SPMIP6: variants seen among roughly 807,000 people sequenced by gnomAD.
The protein encoded by SPMIP6 is ciliated bronchial epithelial protein 1.
chr9:34,382,430 CA>C, the SPMIP6 span, among the ~76,000 whole-genome samples: 1 of 152,084 alleles, frequency 6.6e-6, no homozygotes, highest in Non-Finnish European at 1.5e-5. Context: ...ACTAACAATA[CA>C]AAAATTAGCC....
chr9:34,382,765 G>A, the SPMIP6 span: 8 of 1,613,498 alleles, frequency 5.0e-6, no homozygotes, highest in African/African-American at 2.7e-5. Flanking sequence ...TTAGGCAGCC[G>A]AGGAAGGTAG....
the SPMIP6 span, among the ~76,000 whole-genome samples, chr9:34,396,501 G>A: frequency 6.6e-6 from 1 of 152,046 alleles, no homozygotes; most frequent in African/African-American, 2.4e-5. Flanking sequence ...ATTGAACCAT[G>A]ACTCTCCCTC....
At chr9:34,397,677 G>T in the SPMIP6 span, 1 of 1,535,568 alleles carries the variant, frequency 6.5e-7, no homozygotes, top group African/African-American at 1.4e-5. Flanking sequence ...CCTGTCAAGG[G>T]CTCCTGCTGG....
chr9:34,385,924 A>G, the SPMIP6 span: 9 of 738,368 alleles, frequency 1.2e-5, no homozygotes, highest in Non-Finnish European at 2.0e-5. Context: ...AGGGATTCCC[A>G]TGCTAGCCTT....
At chr9:34,381,126 C>G in the SPMIP6 span, 1 of 1,586,942 alleles carries the variant, frequency 6.3e-7, no homozygotes, top group Non-Finnish European at 8.6e-7. The surrounding 1 kb of genome is among the most constrained non-coding windows in gnomAD (Gnocchi z 4.4). Context: ...ACCATCACTT[C>G]GCGCTCTGCT....
the SPMIP6 span, chr9:34,385,798 G>A: frequency 6.2e-7 from 1 of 1,610,024 alleles, no homozygotes; most frequent in South Asian, 1.1e-5. Context: ...AAGGGGAGAG[G>A]AGAGAAGTGG....
At chr9:34,395,660 TCTAA>T in the SPMIP6 span, among the ~76,000 whole-genome samples, 1 of 152,212 alleles carries the variant, frequency 6.6e-6, no homozygotes, top group Admixed American at 6.5e-5. Context: ...GATAAGTATA[TCTAA>T]CTACTTGCCA....
the SPMIP6 span, among the ~76,000 whole-genome samples, chr9:34,391,679 T>C: frequency 6.6e-6 from 1 of 152,214 alleles, no homozygotes; most frequent in East Asian, 1.9e-4. Flanking sequence ...TTTGGTTATC[T>C]TTTTGTTGTT....
the SPMIP6 span, chr9:34,381,203 G>C: frequency 7.1e-6 from 11 of 1,556,860 alleles, no homozygotes; most frequent in Non-Finnish European, 9.6e-6. The surrounding 1 kb of genome is among the most constrained non-coding windows in gnomAD (Gnocchi z 4.4). Context: ...CCGAGTCACG[G>C]ACAGAGTGAG....
chr9:34,385,878 C>A, the SPMIP6 span: 1 of 1,329,274 alleles, frequency 7.5e-7, no homozygotes. Flanking sequence ...AGAAGGTCAG[C>A]CCAGGTGGGT....
chr9:34,384,315 G>A, the SPMIP6 span, among the ~76,000 whole-genome samples: 1 of 152,220 alleles, frequency 6.6e-6, no homozygotes, highest in African/African-American at 2.4e-5. Context: ...GGAGGAGCAA[G>A]GGGAGAAGAG....
At chr9:34,382,583 TAAAAA>T in the SPMIP6 span, 2 of 540,494 alleles carry the variant, frequency 3.7e-6, no homozygotes, top group Non-Finnish European at 6.7e-6. Flanking sequence ...AGACTCTATC[TAAAAA>T]AAAAAAAAAA....
chr9:34,394,712 G>A, the SPMIP6 span, among the ~76,000 whole-genome samples: 1 of 152,148 alleles, frequency 6.6e-6, no homozygotes, highest in African/African-American at 2.4e-5. Flanking sequence ...TTCTGGTTAA[G>A]TTTGGAATGT....
the SPMIP6 span, among the ~76,000 whole-genome samples, chr9:34,388,977 G>A: frequency 1.4e-5 from 2 of 140,664 alleles, no homozygotes; most frequent in African/African-American, 5.3e-5. Context: ...TGTTGCCCAG[G>A]CTGGAGTGCA....
At chr9:34,385,849 C>G in the SPMIP6 span, 1 of 1,518,120 alleles carries the variant, frequency 6.6e-7, no homozygotes, top group African/African-American at 1.4e-5. Flanking sequence ...CTTGCTGGAA[C>G]TAGATCCAGC....
the SPMIP6 span, among the ~76,000 whole-genome samples, chr9:34,391,182 TTG>T: frequency 2.6e-5 from 4 of 152,214 alleles, no homozygotes; most frequent in African/African-American, 9.6e-5. Flanking sequence ...TTTATTTTTC[TTG>T]TGTTTGTCCA....
chr9:34,384,638 A>G, the SPMIP6 span, among the ~76,000 whole-genome samples: 4 of 152,204 alleles, frequency 2.6e-5, no homozygotes, highest in African/African-American at 9.6e-5. Context: ...CCCAACTTCC[A>G]TTGGGAATTC....
chr9:34,391,902 T>C, the SPMIP6 span, among the ~76,000 whole-genome samples: 1 of 151,898 alleles, frequency 6.6e-6, no homozygotes, highest in African/African-American at 2.4e-5. Flanking sequence ...AGATCTTTGC[T>C]TTTTTTGGGG....
the SPMIP6 span, chr9:34,385,536 A>AAG: frequency 1.8e-5 from 2 of 113,974 alleles, no homozygotes; most frequent in Admixed American, 2.0e-4. Context: ...ACTCCGTCTC[A>AAG]AAAAAAAAAA....
Sources: gnomAD v4.1 joint callset for allele counts (sites outside exome capture counted in the v4.1 genomes callset) on GRCh38, gnomAD v4.1.1 for gene constraint, Gnocchi (gnomAD v3.1) non-coding constraint, MANE v1.5 for transcripts, NCBI Gene and HGNC (gene_info 2026-07-23, HGNC 2026-07-21) for gene names.